The following GSG1L2 variants were observed in gnomAD, a reference collection of about 807,000 sequenced individuals.
GSG1L2 encodes the protein GSG1 like 2.
In GSG1L2, 15 loss-of-function variants were observed where a neutral mutation model predicts 9.0. The observed-to-expected ratio is 1.67, with a 90% CI of 1.12 to 2.57. The LOEUF is 2.57. Ranked by LOEUF, GSG1L2 falls within the 30% of genes most tolerant of loss-of-function variation. GSG1L2 has a pLI of 0.00. For missense variants in GSG1L2, 286 were observed against 150.3 expected, an observed-to-expected ratio of 1.90 and a Z score of -4.72; for synonymous variants, 127 against 57.9, an observed-to-expected ratio of 2.19 and a Z score of -5.41.
rs905236961 is a variant in GSG1L2, at chr17:9,800,889, T to A, written c.*1497A>T. On this transcript the variant is annotated 3_prime_UTR_variant, in exon 5 of 5. Coordinates refer to ENST00000399363, the MANE Select transcript of GSG1L2 (RefSeq NM_001310219.2). ...ATGGCCCAGGGAACCCCAGCAGACA[T>A]TCTCTGGGTTGGGCTTATTCCAGCA... 1.3e-5 allele frequency among the ~76,000 whole-genome samples: 2 copies of A among 152,340 alleles called. No individual in the cohort carries two copies. The highest frequency in any genetic ancestry group is 3.4e-3 in the Middle Eastern group (1 of 294).
At chr17:9,816,694 T>C (rs2066565619) in intron 1 of GSG1L2, among the ~76,000 whole-genome samples, 2 of 150,978 alleles carry the variant, frequency 1.3e-5, no homozygotes, top group Non-Finnish European at 3.0e-5. Flanking sequence ...TGTCTGTGTA[T>C]GTGTGCATGC....
At chr17:9,815,852 G>A (rs1379639260) in intron 1 of GSG1L2, among the ~76,000 whole-genome samples, 1 of 152,146 alleles carries the variant, frequency 6.6e-6, no homozygotes, top group African/African-American at 2.4e-5. Flanking sequence ...TAGTGAGGCA[G>A]AATTGAGAGG....
In GSG1L2 at chr17:9,802,182, T is replaced by C. The variant is rs2066499340; in HGVS notation, c.*204A>G. Among the ~76,000 whole-genome samples the C allele has an allele frequency of 6.6e-6, 1 of 152,204 alleles. No homozygotes were observed. The highest frequency in any genetic ancestry group is 1.5e-5 in the Non-Finnish European group (1 of 68,032). On this transcript the variant is annotated 3_prime_UTR_variant, in exon 5 of 5. Transcript: ENST00000399363. ...TGGTTGATATCTTCAGTAAGCATTA[T>C]CTCACTTCAAGGTACTGGCATTTTA...
chr17:9,800,677 C>A lies in GSG1L2; in HGVS notation c.*1709G>T, dbSNP rs1024305271. 6.6e-6 allele frequency among the ~76,000 whole-genome samples: 1 copy of A among 152,200 alleles called. No homozygotes were observed. Among genetic ancestry groups the A allele is most frequent in the Non-Finnish European group, 1.5e-5 (1 of 68,040 alleles). ...TGTTCACAGGTGTTTTTCACAACAG[C>A]GAATTCAGCGAAGTCTCTCTCCAGT... On this transcript the variant is annotated 3_prime_UTR_variant, in exon 5 of 5. Coordinates refer to ENST00000399363, the MANE Select transcript of GSG1L2 (RefSeq NM_001310219.2).
intron 4 of GSG1L2, among the ~76,000 whole-genome samples, chr17:9,806,407 C>A (rs1376484344): frequency 1.3e-5 from 2 of 152,152 alleles, no homozygotes; most frequent in Admixed American, 1.3e-4. Context: ...AAGGGTGGCA[C>A]AGGGAGAGAA....
chr17:9,815,077 A>G (rs1300980803), intron 1 of GSG1L2, among the ~76,000 whole-genome samples: 1 of 152,188 alleles, frequency 6.6e-6, no homozygotes, highest in Non-Finnish European at 1.5e-5. Flanking sequence ...TGGCTTGGGC[A>G]GAGGATGTCT....
At chr17:9,805,899 C>T (rs1415203710) in intron 4 of GSG1L2, among the ~76,000 whole-genome samples, 3 of 152,146 alleles carry the variant, frequency 2.0e-5, no homozygotes, top group East Asian at 1.9e-4. Flanking sequence ...GGCTTCCTTA[C>T]GGAGAACATT....
intron 1 of GSG1L2, among the ~76,000 whole-genome samples, chr17:9,817,041 G>A (rs970593084): frequency 6.6e-6 from 1 of 151,724 alleles, no homozygotes; most frequent in Non-Finnish European, 1.5e-5. Flanking sequence ...CTTTCAGCTC[G>A]TTTTAGGCTG....
chr17:9,816,366 G>A (rs903178798), intron 1 of GSG1L2, among the ~76,000 whole-genome samples: 6 of 108,260 alleles, frequency 5.5e-5, no homozygotes, highest in Admixed American at 1.1e-4. Context: ...GCGTATGCGT[G>A]TGTCTGTGTG....
At chr17:9,814,718 G>A (rs1255227596) in intron 1 of GSG1L2, among the ~76,000 whole-genome samples, 1 of 152,184 alleles carries the variant, frequency 6.6e-6, no homozygotes, top group African/African-American at 2.4e-5. Context: ...TAGCGTGTGT[G>A]CTTCAGCAGC....
In GSG1L2 at chr17:9,811,383, G is replaced by T. The variant is rs141773974; in HGVS notation, c.311-765C>A. Among the ~76,000 whole-genome samples, 394 of 152,296 alleles carry T rather than the reference G, an allele frequency of 2.6e-3. 4 individuals are homozygous for T. The highest frequency in any genetic ancestry group is 8.7e-3 in the African/African-American group (362 of 41,550). ...CCACCAGACTCATTTATGTGCTCCAGGGGGATAGATACTCTTTGTATGTGA... is the reference window on the plus strand; with the variant it reads ...CCACCAGACTCATTTATGTGCTCCATGGGGATAGATACTCTTTGTATGTGA... On this transcript the variant is annotated intron_variant, in intron 1 of 4. Transcript: ENST00000399363.
intron 4 of GSG1L2, 66 bp from the exon 5 acceptor site, chr17:9,802,710 C>T (rs928185999): frequency 1.5e-6 from 1 of 672,920 alleles, no homozygotes; most frequent in Non-Finnish European, 2.7e-6. Flanking sequence ...CTGTTTTCTC[C>T]AGACTGGGGG....
intron 1 of GSG1L2, among the ~76,000 whole-genome samples, chr17:9,821,352 GGA>G (rs2066588876): frequency 6.6e-6 from 1 of 152,132 alleles, no homozygotes; most frequent in East Asian, 1.9e-4. Context: ...AGTTGGGTCG[GGA>G]CCACCTTTCA....
At chr17:9,805,209 A>G (rs188089334) in intron 4 of GSG1L2, 8 of 152,346 alleles carry the variant, frequency 5.3e-5, no homozygotes, top group Admixed American at 2.6e-4. Context: ...AAGAAATAAT[A>G]CAAATACAAA....
chr17:9,821,654 G>C (rs143195752), intron 1 of GSG1L2, 108 bp downstream of exon 1: 8 of 651,312 alleles, frequency 1.2e-5, no homozygotes, highest in Middle Eastern at 4.9e-4. Flanking sequence ...GCATCATCCC[G>C]CACCTGTTAC....
chr17:9,802,426 T>A lies in GSG1L2; in HGVS notation c.842A>T (p.His281Leu), dbSNP rs1434391960. 1 of 690,418 alleles carries A rather than the reference T, an allele frequency of 1.4e-6. No homozygotes were observed. Among genetic ancestry groups the A allele is most frequent in the East Asian group, 2.7e-5 (1 of 37,128 alleles). 42.8% of individuals were successfully genotyped at this position (690,418 alleles called of 1,614,324 possible). Residue 281 changes from histidine to leucine, a missense_variant, in exon 5 of 5, where the codon CAC (histidine) becomes CTC (leucine). By Grantham distance (99) the His-to-Leu change is moderately conservative. Coordinates refer to ENST00000399363, the MANE Select transcript of GSG1L2 (RefSeq NM_001310219.2). ...AEQAFRNVSG[H>L]LPPGAPGKVS... The stretch of plus-strand genomic sequence containing the variant: ...CTTGCCTGGGGCGCCTGGTGGGAGG[T>A]GTCCAGAAACATTCCTGAAGGCTTG...
chr17:9,807,829 A>G, intron 3 of GSG1L2: 1 of 474,864 alleles, frequency 2.1e-6, no homozygotes, highest in African/African-American at 2.0e-5. Flanking sequence ...CCTGGGTAGG[A>G]GTCTCCATGG....
chr17:9,810,672 G>A (rs2066535695), intron 1 of GSG1L2, 54 bp from the exon 2 acceptor site: 1 of 702,376 alleles, frequency 1.4e-6, no homozygotes, highest in Non-Finnish European at 2.6e-6. Context: ...CAACCAGGGG[G>A]CAAATGGTGA....
At chr17:9,817,427 CT>C (rs11334803) in intron 1 of GSG1L2, among the ~76,000 whole-genome samples, 73,526 of 137,594 alleles carry the variant, frequency 0.53, 20,072 homozygotes, top group East Asian at 0.98. Context: ...TCCAACGAGG[CT>C]TTTTTTTTTT....
Sources: allele counts gnomAD v4.1 joint callset (sites outside exome capture counted in the v4.1 genomes callset), GRCh38; gene constraint gnomAD v4.1.1; transcripts MANE v1.5; gene names NCBI Gene and HGNC (gene_info 2026-07-23, HGNC 2026-07-21).